The following C3orf20 variants were observed in gnomAD, a reference collection of about 807,000 sequenced individuals.
C3orf20 encodes family with sequence similarity 149 member C.
Under a neutral mutation model 88.3 loss-of-function variants are expected in C3orf20, and 76 were observed. The ratio of observed to expected loss-of-function variants is 0.86; its 90% CI spans 0.72 to 1.04. The LOEUF is 1.04. Among genes scored for constraint, C3orf20 ranks in the 50% least tolerant of loss-of-function variants. The pLI is 0.00. For missense variants in C3orf20, 1,056 were observed against 1,123.3 expected (o/e 0.94, Z 0.86); for synonymous variants, 436 against 437.4 (o/e 1.00, Z 0.04).
In C3orf20 at chr3:14,701,576, G is replaced by A. The variant is rs1356136391; in HGVS notation, c.746-1554G>A. ...TGTGAAAATTAGTATCACAGGCACA[G>A]ATCGTTGTCATCCAGGTCATGCAGA... On this transcript the variant is annotated intron_variant, in intron 5 of 16. Coordinates refer to ENST00000253697, the MANE Select transcript of C3orf20 (RefSeq NM_032137.5). This position sits in a 1 kb window ranked among gnomAD's most constrained non-coding sequence, Gnocchi z 4.6. 6.6e-6 allele frequency among the ~76,000 whole-genome samples: 1 copy of A among 152,166 alleles called. No individual in the cohort carries two copies. Among genetic ancestry groups the A allele is most frequent in the East Asian group, 1.9e-4 (1 of 5,190 alleles).
In C3orf20 at chr3:14,738,744, G is replaced by GACTCTCCTGCCTCCAAGCA. The variant is rs1553615396; in HGVS notation, c.1940+10069_1940+10070insCAAGCAACTCTCCTGCCTC. 7.6e-3 allele frequency among the ~76,000 whole-genome samples: 1,069 copies of GACTCTCCTGCCTCCAAGCA among 141,250 alleles called. 15 individuals are homozygous for GACTCTCCTGCCTCCAAGCA. Among genetic ancestry groups the GACTCTCCTGCCTCCAAGCA allele is most frequent in the African/African-American group, 0.027 (1,030 of 37,874 alleles). The allele number at this position is 141,250 out of a possible 152,430, so 92.7% of individuals were successfully genotyped here. A position where few individuals can be genotyped will look rare whatever the true frequency, so the allele number is the denominator to read the frequency against. ...CAACCTCCGGCTCCTGGGTTCAAGCGACTCTCCTGCCTCAACCTCCTGAGT... is the reference window on the plus strand; with the variant it reads ...CAACCTCCGGCTCCTGGGTTCAAGCGACTCTCCTGCCTCCAAGCAACTCTCCTGCCTCAACCTCCTGAGT... On this transcript the variant is annotated intron_variant, in intron 12 of 16. Coordinates refer to ENST00000253697, the MANE Select transcript of C3orf20 (RefSeq NM_032137.5).
intron 12 of C3orf20, among the ~76,000 whole-genome samples, chr3:14,735,256 T>C (rs1474956347): frequency 1.3e-5 from 2 of 151,888 alleles, no homozygotes; most frequent in Non-Finnish European, 2.9e-5. Context: ...ACCACCTTAC[T>C]GTTTGTTTGC....
At chr3:14,705,126 A>C (rs1470321904) in intron 7 of C3orf20, among the ~76,000 whole-genome samples, 1 of 152,222 alleles carries the variant, frequency 6.6e-6, no homozygotes, top group Non-Finnish European at 1.5e-5. Context: ...ACTGCTCTGC[A>C]GCTGAGATCT....
rs1460363705 is a variant in C3orf20 at position 14,757,475 on chromosome 3, G to A, written c.2045G>A (p.Gly682Asp). ...KLMLKEDTRAGCKCLVKAPLV... is the reference protein window; with the variant it reads ...KLMLKEDTRADCKCLVKAPLV... ...ATGCTCAAGGAAGACACCCGTGCTG[G>A]CTGCAAGTGCCTGGTGAAGGCGCCC... Residue 682 changes from glycine to aspartate, a missense_variant, in exon 13 of 17, where the codon GGC becomes GAC. Gly to Asp is a moderately conservative substitution (Grantham distance 94, BLOSUM62 -1). Coordinates refer to ENST00000253697, the MANE Select transcript of C3orf20 (RefSeq NM_032137.5). The A allele has an allele frequency of 1.2e-6, 2 of 1,613,470 alleles. No individual in the cohort carries two copies. Among genetic ancestry groups the A allele is most frequent in the Non-Finnish European group, 1.7e-6 (2 of 1,179,994 alleles).
chr3:14,772,935 C>A lies in C3orf20; in HGVS notation c.*60C>A. The A allele has an allele frequency of 7.7e-7, 1 of 1,294,026 alleles. No individual in the cohort carries two copies. Among genetic ancestry groups the A allele is most frequent in the Non-Finnish European group, 1.1e-6 (1 of 892,774 alleles). 80.2% of individuals were successfully genotyped at this position (1,294,026 alleles called of 1,614,324 possible). A position where few individuals can be genotyped will look rare whatever the true frequency, so the allele number is the denominator to read the frequency against. Reference sequence around the variant, plus strand: ...CGGCCCGGGGTGCTGGGGCTTCTTGCCAGCCCAGCCCTGCCTCCCCGGTCT... The same window carrying A: ...CGGCCCGGGGTGCTGGGGCTTCTTGACAGCCCAGCCCTGCCTCCCCGGTCT... On this transcript the variant is annotated 3_prime_UTR_variant, in exon 17 of 17. Transcript: ENST00000253697. This position sits in a 1 kb window ranked among gnomAD's most constrained non-coding sequence, Gnocchi z 4.2.
At chr3:14,748,104 A>G (rs2035110246) in intron 12 of C3orf20, among the ~76,000 whole-genome samples, 1 of 151,412 alleles carries the variant, frequency 6.6e-6, no homozygotes, top group Admixed American at 6.6e-5. Flanking sequence ...ATCTAGTTCC[A>G]GGCTTTTCTT....
In C3orf20 at chr3:14,759,896, G is replaced by A. The variant is rs1169165517; in HGVS notation, c.2250G>A (p.Arg750=). The change falls in exon 14 of 17, where the codon CGG becomes CGA. Residue 750 remains arginine (R), a synonymous_variant. Transcript: ENST00000253697. ...TCATATTTCTCTCCTGGTAGTGCCG[G>A]TATGACTCCTACCGCCTGCTGCAGT... ...RGRGSPCIQC[R]YDSYRLLQYD... The A allele has an allele frequency of 1.9e-6, 3 of 1,613,604 alleles. No homozygotes were observed. Among genetic ancestry groups the A allele is most frequent in the South Asian group, 2.2e-5 (2 of 91,066 alleles).
chr3:14,735,580 A>C (rs1435631715), intron 12 of C3orf20, among the ~76,000 whole-genome samples: 2 of 151,322 alleles, frequency 1.3e-5, no homozygotes, highest in Admixed American at 1.3e-4. Context: ...AAACTATCCC[A>C]TGAGACACTA....
rs1295308232 is a variant in C3orf20, at chr3:14,772,408, G to A, written c.2630+207G>A. ...CGCAGTGGTCTGGGTGGTAGAGATG[G>A]AGGCCTTTTGTAGACTTTGCAGCAG... is the stretch of plus-strand genomic sequence containing the variant. On this transcript the variant is annotated intron_variant, in intron 16 of 16. Coordinates refer to ENST00000253697, the MANE Select transcript of C3orf20 (RefSeq NM_032137.5). This position sits in a 1 kb window ranked among gnomAD's most constrained non-coding sequence, Gnocchi z 4.2. 6.6e-6 allele frequency among the ~76,000 whole-genome samples: 1 copy of A among 152,204 alleles called. No individual in the cohort carries two copies. Among genetic ancestry groups the A allele is most frequent in the Non-Finnish European group, 1.5e-5 (1 of 68,032 alleles).
At chr3:14,723,486 C>G (rs1403732727) in intron 10 of C3orf20, among the ~76,000 whole-genome samples, 1 of 152,230 alleles carries the variant, frequency 6.6e-6, no homozygotes, top group African/African-American at 2.4e-5. Context: ...CTCATTCCCT[C>G]TAAACTCTGA....
intron 14 of C3orf20, 44 bp downstream of exon 14, chr3:14,760,042 C>G: frequency 7.1e-7 from 1 of 1,405,550 alleles, no homozygotes; most frequent in African/African-American, 1.4e-5. Context: ...CCACCCCAGC[C>G]GCAGCCACCT....
intron 4 of C3orf20, among the ~76,000 whole-genome samples, chr3:14,685,661 C>T (rs953860830): frequency 6.6e-6 from 1 of 151,996 alleles, no homozygotes; most frequent in Non-Finnish European, 1.5e-5. Context: ...TAATATCTTC[C>T]CACTCCCCCG....
chr3:14,730,658 G>A (rs923068429), intron 12 of C3orf20, among the ~76,000 whole-genome samples: 3 of 152,180 alleles, frequency 2.0e-5, no homozygotes, highest in Non-Finnish European at 4.4e-5. Context: ...CTATTGATTG[G>A]CATATGCCAG....
Position 14,704,607 on chromosome 3 carries a change from C to T in C3orf20, c.1149C>T (p.Ser383=). The change falls in exon 7 of 17, where the codon TCC becomes TCT. Residue 383 remains serine, a synonymous_variant. Transcript: ENST00000253697. ...TTCATTACACCTTCTATGATGGCTCCTCCTTCGTTTAGTATCCTTTTATTT... is the reference window on the plus strand; with the variant it reads ...TTCATTACACCTTCTATGATGGCTCTTCCTTCGTTTAGTATCCTTTTATTT... The part of the protein sequence containing the change: ...FKFHYTFYDG[S]SFVYYPSGNV... 2 of 1,613,564 alleles carry T rather than the reference C, an allele frequency of 1.2e-6. No homozygotes were observed. The highest frequency in any genetic ancestry group is 1.7e-6 in the Non-Finnish European group (2 of 1,179,998).
intron 7 of C3orf20, among the ~76,000 whole-genome samples, chr3:14,707,998 A>G (rs1362596417): frequency 6.6e-6 from 1 of 151,878 alleles, no homozygotes; most frequent in African/African-American, 2.4e-5. Context: ...TTGTATTTTT[A>G]GTAGAGATGG....
chr3:14,752,420 G>A lies in C3orf20; in HGVS notation c.1941-4951G>A, dbSNP rs116657214. Among the ~76,000 whole-genome samples, 740 of 152,290 alleles carry A rather than the reference G, an allele frequency of 4.9e-3. 8 individuals are homozygous for A. Among genetic ancestry groups the A allele is most frequent in the African/African-American group, 0.017 (686 of 41,542 alleles). Reference sequence around the variant, plus strand: ...GACAATACCGGTAATTCAGGACATAGGCATGGGTAAAGACTTCGTGACTAA... The same window carrying A: ...GACAATACCGGTAATTCAGGACATAAGCATGGGTAAAGACTTCGTGACTAA... On this transcript the variant is annotated intron_variant, in intron 12 of 16. Transcript: ENST00000253697.
intron 11 of C3orf20, 66 bp downstream of exon 11, chr3:14,727,090 G>A (rs936555975): frequency 3.1e-5 from 48 of 1,567,032 alleles, no homozygotes; most frequent in African/African-American, 4.0e-5. Context: ...ATTCTGGCAG[G>A]TCATCTCAAG....
At chr3:14,715,798 G>A (rs977392427) in intron 9 of C3orf20, among the ~76,000 whole-genome samples, 1 of 151,882 alleles carries the variant, frequency 6.6e-6, no homozygotes, top group African/African-American at 2.4e-5. Flanking sequence ...TTCTATATTG[G>A]TCTCCTCCGT....
In C3orf20 at chr3:14,772,093, A is replaced by C. The variant is rs776555860; in HGVS notation, c.2522A>C (p.Glu841Ala). The change falls in exon 16 of 17, where the codon GAG (glutamate) becomes GCG (alanine). Residue 841 changes from glutamate (E) to alanine (A), a missense_variant. Physicochemically the swap from Glu to Ala is moderately radical, Grantham distance 107. Transcript: ENST00000253697. This position sits in a 1 kb window ranked among gnomAD's most constrained non-coding sequence, Gnocchi z 4.2. ...GTTCCCAACTCTGTCCTGAGCCTGGAGGATTCTGAATCAGTCAAGAAAGCC... is the reference window on the plus strand; with the variant it reads ...GTTCCCAACTCTGTCCTGAGCCTGGCGGATTCTGAATCAGTCAAGAAAGCC... ...FSVPNSVLSL[E>A]DSESVKKAES... 10 of 1,614,234 alleles carry C rather than the reference A, an allele frequency of 6.2e-6. No individual in the cohort carries two copies. The highest frequency in any genetic ancestry group is 7.6e-6 in the Non-Finnish European group (9 of 1,180,044).
Sources: gnomAD v4.1 joint callset for allele counts (sites outside exome capture counted in the v4.1 genomes callset) on GRCh38, gnomAD v4.1.1 for gene constraint, Gnocchi (gnomAD v3.1) non-coding constraint, MANE v1.5 for transcripts, NCBI Gene and HGNC (gene_info 2026-07-23, HGNC 2026-07-21) for gene names.